The following MEGF9 variants were observed in gnomAD, a reference collection of about 807,000 sequenced individuals.
MEGF9 encodes multiple epidermal growth factor-like domains protein 9.
A neutral mutation model predicts 46.8 loss-of-function variants in MEGF9; 6 were observed. The observed-to-expected ratio is 0.13, with a 90% CI of 0.07 to 0.25. The LOEUF (loss-of-function observed/expected upper bound fraction) is 0.25, where lower values mean the gene tolerates loss of function less well. MEGF9 is among the 10% of genes least tolerant of loss of function. The probability of loss-of-function intolerance (pLI) is 1.00; values close to 1 mark genes in which losing one functional copy is unlikely to be tolerated. For missense variants in MEGF9, 683 were observed against 792.4 expected (o/e 0.86, Z 1.66); for synonymous variants, 302 against 330.7 (o/e 0.91, Z 0.94).
chr9:120,683,288 T>C (rs2043806545), intron 1 of MEGF9, among the ~76,000 whole-genome samples: 1 of 152,214 alleles, frequency 6.6e-6, no homozygotes, highest in Non-Finnish European at 1.5e-5. Context: ...TTCATTCTGA[T>C]TTACCCAAAA....
At chr9:120,644,209 C>T (rs1267687609) in intron 2 of MEGF9, among the ~76,000 whole-genome samples, 1 of 152,128 alleles carries the variant, frequency 6.6e-6, no homozygotes, top group Non-Finnish European at 1.5e-5. Context: ...CTGACAGTTT[C>T]TCAGTCTTTT....
At chr9:120,676,505 G>C (rs2043773971) in intron 1 of MEGF9, among the ~76,000 whole-genome samples, 1 of 151,852 alleles carries the variant, frequency 6.6e-6, no homozygotes, top group Non-Finnish European at 1.5e-5. Flanking sequence ...CATTCAATTA[G>C]ATTTTTTGAG....
intron 1 of MEGF9, among the ~76,000 whole-genome samples, chr9:120,682,359 T>A (rs1164654026): frequency 6.6e-6 from 1 of 152,196 alleles, no homozygotes; most frequent in Non-Finnish European, 1.5e-5. Flanking sequence ...AGAGGCCAGA[T>A]GAGCAACTTA....
intron 4 of MEGF9, among the ~76,000 whole-genome samples, chr9:120,611,824 A>AAGAAAGGAAGGAAGGAAGG (rs1250286017): frequency 1.5e-5 from 2 of 137,096 alleles, no homozygotes; most frequent in African/African-American, 6.3e-5. Flanking sequence ...AAAGAAAAGA[A>AAGAAAGGAAGGAAGGAAGG]AAGAAAGAAA....
At chr9:120,632,334 GTGT>G (rs2043554128) in intron 2 of MEGF9, among the ~76,000 whole-genome samples, 1 of 97,936 alleles carries the variant, frequency 1.0e-5, no homozygotes, top group Non-Finnish European at 2.1e-5. Context: ...TTATTCCTAA[GTGT>G]TTTTTTTTTT....
chr9:120,652,142 GCACACACA>G (rs869130385), intron 2 of MEGF9, among the ~76,000 whole-genome samples: 43 of 26,140 alleles, frequency 1.6e-3, no homozygotes, highest in East Asian at 5.6e-3. Flanking sequence ...AAACAAACAA[GCACACACA>G]CACACACACA....
chr9:120,636,787 C>T (rs901339158), intron 2 of MEGF9, among the ~76,000 whole-genome samples: 16 of 151,430 alleles, frequency 1.1e-4, no homozygotes, highest in Admixed American at 9.2e-4. Flanking sequence ...GGAGCCCGTC[C>T]GCCCGGCAGC....
intron 1 of MEGF9, among the ~76,000 whole-genome samples, chr9:120,709,614 G>A (rs2043943747): frequency 6.6e-6 from 1 of 152,100 alleles, no homozygotes. Context: ...TGGCCCCAAC[G>A]GGCAGAGCCA....
At position 120,647,472 on chromosome 9, in the gene MEGF9, A is replaced by T. The variant is rs542858130; in HGVS notation, c.803+11902T>A. On this transcript the variant is annotated intron_variant, in intron 2 of 5. Transcript: ENST00000373930. Reference sequence around the variant, plus strand: ...TTTATTGAATCAAATGAATCACAATAAGATAAAGGCTAAAAGCAGTTACCT... The same window carrying T: ...TTTATTGAATCAAATGAATCACAATTAGATAAAGGCTAAAAGCAGTTACCT... 1.7e-4 allele frequency among the ~76,000 whole-genome samples: 26 copies of T among 152,354 alleles called. 1 individual carries two copies. In the East Asian group the frequency reaches 3.9e-3, roughly 23 times the overall value.
chr9:120,713,093 G>A (rs1443267126), intron 1 of MEGF9, among the ~76,000 whole-genome samples: 3 of 152,202 alleles, frequency 2.0e-5, no homozygotes, highest in African/African-American at 7.2e-5. Context: ...ATGGTGCGAG[G>A]AAGAGATTTA....
At chr9:120,688,842 T>C (rs542090520) in intron 1 of MEGF9, among the ~76,000 whole-genome samples, 63 of 152,324 alleles carry the variant, frequency 4.1e-4, no homozygotes, top group African/African-American at 1.2e-3. Flanking sequence ...CTGTTGATAA[T>C]TGAATTAGTA....
intron 3 of MEGF9, among the ~76,000 whole-genome samples, chr9:120,620,255 T>A (rs994530186): frequency 6.6e-6 from 1 of 152,196 alleles, no homozygotes; most frequent in African/African-American, 2.4e-5. Context: ...TTCGGTACTG[T>A]AAAAGATCTA....
At chr9:120,632,479 G>A (rs2043555014) in intron 2 of MEGF9, among the ~76,000 whole-genome samples, 1 of 151,950 alleles carries the variant, frequency 6.6e-6, no homozygotes, top group Non-Finnish European at 1.5e-5. Context: ...TCATTTATCA[G>A]TTCTAAGAGC....
At chr9:120,606,830 G>A (rs2132296640) in intron 5 of MEGF9, among the ~76,000 whole-genome samples, 1 of 152,188 alleles carries the variant, frequency 6.6e-6, no homozygotes, top group African/African-American at 2.4e-5. Context: ...TCTTCACCAT[G>A]AAAGCCATAT....
rs374351745 is a variant in MEGF9, at chr9:120,618,854, C to G, written c.943+3762G>C. ...GCCAGAGGTTGCAGTGAGCCGAGAT[C>G]GTGCCATGTACTCCAGCCTGGTGAC... On this transcript the variant is annotated intron_variant, in intron 3 of 5. Coordinates refer to ENST00000373930, the MANE Select transcript of MEGF9 (RefSeq NM_001080497.3). Among the ~76,000 whole-genome samples the G allele has an allele frequency of 8.3e-4, 125 of 149,966 alleles. 1 individual carries two copies. Among genetic ancestry groups the G allele is most frequent in the African/African-American group, 2.9e-3 (118 of 40,670 alleles).
chr9:120,714,468 T>A lies in MEGF9; in HGVS notation c.-110A>T. 2 of 975,502 alleles carry A rather than the reference T, an allele frequency of 2.1e-6. No homozygotes were observed. The highest frequency in any genetic ancestry group is 2.6e-6 in the Non-Finnish European group (2 of 761,156). The allele number at this position is 975,502 out of a possible 1,614,324, so 60.4% of individuals were successfully genotyped here. On this transcript the variant is annotated 5_prime_UTR_variant, in exon 1 of 6. Coordinates refer to ENST00000373930, the MANE Select transcript of MEGF9 (RefSeq NM_001080497.3). ...ACCGGGCGCACCATCGCCACCTCCC[T>A]CTGACAGGCGGCCGGCCCCGCGGGC... is the stretch of plus-strand genomic sequence containing the variant.
At chr9:120,664,671 C>T (rs1564423511) in intron 1 of MEGF9, among the ~76,000 whole-genome samples, 1 of 152,058 alleles carries the variant, frequency 6.6e-6, no homozygotes, top group East Asian at 1.9e-4. Flanking sequence ...AGAAAGACTG[C>T]CTGAAATTCT....
rs1055185077 is a variant in MEGF9 at position 120,670,544 on chromosome 9, T to G, written c.602-10969A>C. Among the ~76,000 whole-genome samples, 16 of 152,332 alleles carry G rather than the reference T, an allele frequency of 1.1e-4. No homozygotes were observed. The Middle Eastern group carries it at 0.014, about 130-fold the overall frequency. ...CTGCTTCTAAATCCTTAGATTTATC[T>G]TACTGTTTCAATATCCATTGCCAGC... On this transcript the variant is annotated intron_variant, in intron 1 of 5. Transcript: ENST00000373930.
intron 2 of MEGF9, among the ~76,000 whole-genome samples, chr9:120,637,985 A>G (rs2043586203): frequency 6.6e-6 from 1 of 151,760 alleles, no homozygotes. Context: ...TGAAAGGGTA[A>G]ATTTTTTTTT....
Sources: allele counts gnomAD v4.1 joint callset (sites outside exome capture counted in the v4.1 genomes callset), GRCh38; gene constraint gnomAD v4.1.1; transcripts MANE v1.5; gene names NCBI Gene and HGNC (gene_info 2026-07-23, HGNC 2026-07-21).